RPS10: variants seen among roughly 807,000 people sequenced by gnomAD.
RPS10 encodes the protein ribosomal protein S10, also known as small ribosomal subunit protein eS10.
Under a neutral mutation model 22.6 loss-of-function variants are expected in RPS10, and 2 were observed. The observed-to-expected ratio is 0.09, with a 90% confidence interval of 0.04 to 0.28. RPS10 has a LOEUF of 0.28. Ranked by LOEUF, RPS10 falls within the 10% of genes least tolerant of loss-of-function variation. The probability of loss-of-function intolerance (pLI) is 1.00; values close to 1 mark genes in which losing one functional copy is unlikely to be tolerated. For synonymous variants in RPS10, 70 were observed against 75.9 expected (o/e 0.92, Z 0.40); for missense variants, 137 against 222.2 (o/e 0.62, Z 2.44).
In RPS10 at chr6:34,424,906, A is replaced by T. The variant is rs149494557; in HGVS notation, c.151-66T>A. 1,646 of 1,610,850 alleles carry T rather than the reference A, an allele frequency of 1.0e-3. 11 individuals carry two copies. Among genetic ancestry groups the T allele is most frequent in the South Asian group, 8.9e-3 (802 of 90,578 alleles). ...CTTGGATCATCCTAGGCAAGTCTCC[A>T]GTCCCAGCCAGCCCTTCAAGTTAGC... On this transcript the variant is annotated intron_variant, in intron 2 of 5. Coordinates refer to ENST00000648437, the MANE Select transcript of RPS10 (RefSeq NM_001014.5).
intron 5 of RPS10, chr6:34,418,015 AACCT>A: frequency 2.9e-6 from 2 of 696,952 alleles, no homozygotes; most frequent in Non-Finnish European, 2.5e-6. Flanking sequence ...GGCAGAGGGG[AACCT>A]ACCTAACATT....
intron 5 of RPS10, chr6:34,418,070 T>C (rs1480620574): frequency 1.1e-6 from 1 of 948,244 alleles, no homozygotes; most frequent in Non-Finnish European, 1.5e-6. Flanking sequence ...TTTCATACCA[T>C]CTTGGTTCTT....
intron 4 of RPS10, among the ~76,000 whole-genome samples, chr6:34,419,185 A>G (rs924626651): frequency 2.6e-5 from 4 of 151,730 alleles, no homozygotes; most frequent in African/African-American, 9.7e-5. Context: ...TGCATGGCTA[A>G]TTTTTTTGTA....
At position 34,421,807 on chromosome 6, in the gene RPS10, C is replaced by A. The variant is rs773409373; in HGVS notation, c.323G>T (p.Gly108Val). ...TCTCGCAGGTCGCTCACCCTCCAGA[C>A]CTATGTAAATCAAACCACACTGTGA... ...RPETGRPRPK[G>V]LEGERPARLT... The change falls in exon 4 of 6, where the codon GGT (glycine) becomes GTT (valine). Residue 108 changes from glycine (G) to valine (V), a missense_variant and splice_region_variant. By Grantham distance (109) the Gly-to-Val change is moderately radical. Transcript: ENST00000648437. 1.9e-6 allele frequency: 3 copies of A among 1,613,936 alleles called. 1 individual carries two copies. The Middle Eastern group carries it at 5.0e-4, about 266-fold the overall frequency.
At position 34,418,451 on chromosome 6, in the gene RPS10, T is replaced by A; in HGVS notation, c.401-27A>T. 5 of 1,614,138 alleles carry A rather than the reference T, an allele frequency of 3.1e-6. No individual in the cohort carries two copies. The South Asian group carries it at 5.5e-5, about 18-fold the overall frequency. On this transcript the variant is annotated intron_variant, in intron 4 of 5. Coordinates refer to ENST00000648437, the MANE Select transcript of RPS10 (RefSeq NM_001014.5). ...TAGAAAGTGAAACATCGATTTAGAA[T>A]CATCATATGATCTAATCTACTATAG... is the stretch of plus-strand genomic sequence containing the variant.
intron 2 of RPS10, 26 bp downstream of exon 2, chr6:34,425,046 T>A (rs1561940522): frequency 1.2e-6 from 2 of 1,611,812 alleles, no homozygotes; most frequent in South Asian, 1.1e-5. Context: ...GGAAGATCCA[T>A]CCCATCTTCC....
intron 2 of RPS10, 93 bp downstream of exon 2, chr6:34,424,979 C>T: frequency 6.2e-7 from 1 of 1,609,674 alleles, no homozygotes; most frequent in Non-Finnish European, 8.5e-7. Context: ...TGCCTTGAAC[C>T]TTAGGGGAAG....
At chr6:34,417,610 G>A in intron 5 of RPS10, 63 bp from the exon 6 acceptor site, 2 of 1,567,354 alleles carry the variant, frequency 1.3e-6, no homozygotes. Flanking sequence ...TGGAGGTTTT[G>A]CTAACTTTCA....
Position 34,425,606 on chromosome 6 carries a change from G to A in RPS10, c.1-385C>T, listed in dbSNP as rs186518337. 186 of 299,658 alleles carry A rather than the reference G, an allele frequency of 6.2e-4. 2 individuals carry two copies. Among genetic ancestry groups the A allele is most frequent in the African/African-American group, 3.6e-3 (166 of 46,150 alleles). The allele number at this position is 299,658 out of a possible 1,614,324, so 18.6% of individuals were successfully genotyped here. ...ACCATAAGGTACGCAGGGAAGGCCC[G>A]GAGGGGTAAAGCCCCGGCTTCTTGA... On this transcript the variant is annotated intron_variant, in intron 1 of 5. Transcript: ENST00000648437.
At chr6:34,419,212 G>C (rs944930628) in intron 4 of RPS10, among the ~76,000 whole-genome samples, 1 of 151,988 alleles carries the variant, frequency 6.6e-6, no homozygotes, top group African/African-American at 2.4e-5. Context: ...GTAGAGATGG[G>C]GTTTCTTCAT....
intron 4 of RPS10, among the ~76,000 whole-genome samples, chr6:34,419,604 T>C (rs1429471000): frequency 2.0e-5 from 3 of 151,878 alleles, no homozygotes; most frequent in Admixed American, 1.3e-4. Flanking sequence ...TGAGACGAAG[T>C]CTCACTCTTG....
intron 4 of RPS10, among the ~76,000 whole-genome samples, chr6:34,419,681 G>C (rs769539750): frequency 6.6e-6 from 1 of 151,910 alleles, no homozygotes; most frequent in Non-Finnish European, 1.5e-5. Flanking sequence ...GGGTTCAAGC[G>C]ATTCTCCTGC....
chr6:34,421,877 TG>T, intron 3 of RPS10, 70 bp from the exon 4 acceptor site: 1 of 1,566,492 alleles, frequency 6.4e-7, no homozygotes, highest in Non-Finnish European at 8.8e-7. Context: ...CCAAGAAAAC[TG>T]GCATTGCTCT....
intron 4 of RPS10, among the ~76,000 whole-genome samples, chr6:34,419,026 T>G (rs1265105593): frequency 6.6e-6 from 1 of 152,074 alleles, no homozygotes; most frequent in African/African-American, 2.4e-5. Flanking sequence ...TTTATATTTT[T>G]TGTTCGTTTG....
intron 3 of RPS10, chr6:34,424,361 G>T: frequency 8.2e-6 from 3 of 364,096 alleles, no homozygotes; most frequent in South Asian, 2.7e-5. Context: ...TGGACTTCTC[G>T]GGAATAGTAC....
chr6:34,417,523 C>A lies in RPS10; in HGVS notation c.481G>T (p.Gly161Cys), dbSNP rs1354469695. ...QFRGGFGRGR[G>C]QPPQ The stretch of plus-strand genomic sequence containing the variant: ...CTCCAATTTTACTGAGGTGGCTGAC[C>A]ACGTCCACGACCAAATCCGCCTCTC... Residue 161 changes from glycine to cysteine, a missense_variant, in exon 6 of 6, where the codon GGT (glycine) becomes TGT (cysteine). Gly to Cys is a radical substitution (Grantham distance 159, BLOSUM62 -3). Transcript: ENST00000648437. 1 of 1,612,732 alleles carries A rather than the reference C, an allele frequency of 6.2e-7. No individual in the cohort carries two copies. Among genetic ancestry groups the A allele is most frequent in the East Asian group, 2.2e-5 (1 of 44,900 alleles).
At chr6:34,424,470 A>T in intron 3 of RPS10, 199 bp downstream of exon 3, 2 of 624,798 alleles carry the variant, frequency 3.2e-6, no homozygotes, top group Non-Finnish European at 5.6e-6. Context: ...ATCTGTGCTT[A>T]AGGCCATCTC....
At chr6:34,418,006 G>T in intron 5 of RPS10, 1 of 697,794 alleles carries the variant, frequency 1.4e-6, no homozygotes, top group South Asian at 1.6e-5. Context: ...AGAAACTGAG[G>T]CAGAGGGGAA....
intron 1 of RPS10, chr6:34,425,535 T>C (rs923115736): frequency 1.0e-4 from 38 of 365,478 alleles, no homozygotes; most frequent in African/African-American, 4.4e-4. Context: ...TCGGGAGCAG[T>C]TGGAGGCCAT....
Sources: allele counts gnomAD v4.1 joint callset (sites outside exome capture counted in the v4.1 genomes callset), GRCh38; gene constraint gnomAD v4.1.1; transcripts MANE v1.5; gene names NCBI Gene and HGNC (gene_info 2026-07-23, HGNC 2026-07-21).